Variants in PABIR2 observed in about 807,000 individuals in gnomAD.
PABIR2 encodes the protein PABIR family member 2.
A neutral mutation model predicts 22.8 loss-of-function variants in PABIR2; 7 were observed. The ratio of observed to expected loss-of-function variants is 0.31; its 90% CI spans 0.17 to 0.58. PABIR2 has a LOEUF of 0.58. Ranked by LOEUF, PABIR2 falls within the 20% of genes least tolerant of loss-of-function variation. The pLI, the probability that PABIR2 is intolerant of heterozygous loss-of-function variation, is 0.89. For synonymous variants in PABIR2, 67 were observed against 73.8 expected, an observed-to-expected ratio of 0.91 and a Z score of 0.47; for missense variants, 155 against 205.1, an observed-to-expected ratio of 0.76 and a Z score of 1.49.
intron 9 of PABIR2, among the ~76,000 whole-genome samples, chrX:134,777,890 T>C (rs2079032724): frequency 1.0e-5 from 1 of 98,342 alleles, no homozygotes; most frequent in Admixed American, 1.1e-4. Context: ...GGTTGGTTTT[T>C]TTTTTTTTTT....
At position 134,796,300 on chromosome X, in the gene PABIR2, G is replaced by T. The variant is rs1319383805; in HGVS notation, c.-95C>A. On this transcript the variant is annotated 5_prime_UTR_variant, in exon 1 of 10. Coordinates refer to ENST00000343004, the MANE Select transcript of PABIR2 (RefSeq NM_001387468.1). ...CTCACTGCAGGACTGAGCTGCTGGG[G>T]ACTGGCAGCTGGGGGCGGGGGCTAA... is the stretch of plus-strand genomic sequence containing the variant. The T allele has an allele frequency of 9.0e-6, 4 of 442,752 alleles. No homozygotes were observed. The Admixed American group carries it at 1.1e-4, about 12-fold the overall frequency. 36.5% of individuals were successfully genotyped at this position (442,752 alleles called of 1,213,427 possible).
rs753524257 is a variant in PABIR2 at position 134,796,208 on chromosome X, C to A, written c.-3G>T. ...AGCTCCATTTTCTCCTGAGCCATGT[C>A]AGACTTGCAGGCAGGCACAGCGGGC... On this transcript the variant is annotated 5_prime_UTR_variant, in exon 1 of 10. Transcript: ENST00000343004. The A allele has an allele frequency of 8.3e-7, 1 of 1,204,303 alleles. No homozygotes were observed. Among genetic ancestry groups the A allele is most frequent in the Admixed American group, 2.2e-5 (1 of 45,838 alleles).
At chrX:134,792,912 C>T (rs914102552) in intron 2 of PABIR2, among the ~76,000 whole-genome samples, 10 of 112,307 alleles carry the variant, frequency 8.9e-5, no homozygotes, top group African/African-American at 3.2e-4. Context: ...ACCAGTGACA[C>T]GCTTGGGGTG....
intron 1 of PABIR2, among the ~76,000 whole-genome samples, chrX:134,794,229 T>C (rs912815829): frequency 9.0e-6 from 1 of 111,477 alleles, no homozygotes; most frequent in Non-Finnish European, 1.9e-5. Context: ...AGCAGCCTCA[T>C]CTGTTTACCC....
At chrX:134,774,808 TA>T (rs1417566558) in intron 9 of PABIR2, among the ~76,000 whole-genome samples, 1 of 112,492 alleles carries the variant, frequency 8.9e-6, no homozygotes, top group Non-Finnish European at 1.9e-5. Context: ...TTCACTTAAC[TA>T]AAATCTAGTT....
At position 134,788,664 on chromosome X, in the gene PABIR2, T is replaced by C. The variant is rs1302072747; in HGVS notation, c.435+66A>G. ...TGGATACTTTAAAAGTGGGGTGATT[T>C]GTGTGTGTTTTAGAGTAAACAGCTC... On this transcript the variant is annotated intron_variant, in intron 6 of 9. Coordinates refer to ENST00000343004, the MANE Select transcript of PABIR2 (RefSeq NM_001387468.1). The C allele has an allele frequency of 4.0e-5, 38 of 940,735 alleles. No individual in the cohort carries two copies. The Admixed American group carries it at 1.0e-3, about 25-fold the overall frequency. 77.5% of individuals were successfully genotyped at this position (940,735 alleles called of 1,213,427 possible).
chrX:134,790,985 A>AG lies in PABIR2; in HGVS notation c.178-1350dup, dbSNP rs749929924. 2.0e-4 allele frequency among the ~76,000 whole-genome samples: 23 copies of AG among 112,368 alleles called. 1 individual carries two copies. The East Asian group carries it at 6.4e-3, about 31-fold the overall frequency. On this transcript the variant is annotated intron_variant, in intron 2 of 9. Transcript: ENST00000343004. The stretch of plus-strand genomic sequence containing the variant: ...GGAAGAGAGCGCAGACGTGTCACTT[A>AG]GGGAAACCCAAGAAACTGAAGAAGC...
chrX:134,775,150 T>C (rs184181132), intron 9 of PABIR2, among the ~76,000 whole-genome samples: 26 of 112,007 alleles, frequency 2.3e-4, no homozygotes, highest in African/African-American at 7.8e-4. Flanking sequence ...AAATTGGACA[T>C]AGGAATCCTT....
chrX:134,790,512 AT>A (rs1249510511), intron 2 of PABIR2, among the ~76,000 whole-genome samples: 2 of 112,832 alleles, frequency 1.8e-5, no homozygotes, highest in African/African-American at 6.4e-5. Flanking sequence ...AGTGAGCAGT[AT>A]AAAATAGTGA....
At position 134,771,855 on chromosome X, in the gene PABIR2, T is replaced by A. The variant is rs779761786; in HGVS notation, c.*284A>T. ...ATGTATAGACTCAAAATAGGTGTTTTTTGAGGCACTAAGAAAAAAGATTCC... is the reference window on the plus strand; with the variant it reads ...ATGTATAGACTCAAAATAGGTGTTTATTGAGGCACTAAGAAAAAAGATTCC... On this transcript the variant is annotated 3_prime_UTR_variant, in exon 10 of 10. Transcript: ENST00000343004. 4.7e-4 allele frequency: 419 copies of A among 883,885 alleles called. No individual in the cohort carries two copies. The highest frequency in any genetic ancestry group is 2.1e-3 in the Middle Eastern group (4 of 1,941). 72.8% of individuals were successfully genotyped at this position (883,885 alleles called of 1,213,427 possible). A position where few individuals can be genotyped will look rare whatever the true frequency, so the allele number is the denominator to read the frequency against.
intron 2 of PABIR2, among the ~76,000 whole-genome samples, chrX:134,792,749 C>T (rs151309521): frequency 7.4e-4 from 83 of 112,130 alleles, no homozygotes; most frequent in African/African-American, 2.1e-3. Flanking sequence ...ATATCTTTGC[C>T]CTCCCTATTT....
intron 9 of PABIR2, among the ~76,000 whole-genome samples, chrX:134,780,589 C>CA (rs922863747): frequency 2.7e-5 from 3 of 110,994 alleles, no homozygotes; most frequent in Non-Finnish European, 5.7e-5. Context: ...AAAAACAAAA[C>CA]AAAAAAAATC....
At chrX:134,792,767 G>A (rs1461861231) in intron 2 of PABIR2, among the ~76,000 whole-genome samples, 1 of 111,949 alleles carries the variant, frequency 8.9e-6, no homozygotes, top group African/African-American at 3.2e-5. Context: ...TTTCATAGGG[G>A]CTGTTATGAC....
At chrX:134,785,229 G>GA (rs1193723854) in intron 8 of PABIR2, among the ~76,000 whole-genome samples, 2 of 111,810 alleles carry the variant, frequency 1.8e-5, no homozygotes, top group Non-Finnish European at 3.8e-5. Context: ...AGTTTCCCTA[G>GA]AACACAAGAG....
At position 134,796,441 on chromosome X, in the gene PABIR2, C is replaced by A; in HGVS notation, c.-236G>T. On this transcript the variant is annotated 5_prime_UTR_variant, in exon 1 of 10. Coordinates refer to ENST00000343004, the MANE Select transcript of PABIR2 (RefSeq NM_001387468.1). ...ATGATGGTGAGGCAGGAGAGGAGGA[C>A]GAAGAGGTAGTGGTGGAAGGTGACA... is the stretch of plus-strand genomic sequence containing the variant. The A allele has an allele frequency of 6.4e-5, 21 of 329,854 alleles. No homozygotes were observed. Among genetic ancestry groups the A allele is most frequent in the South Asian group, 1.4e-4 (2 of 14,456 alleles). The allele number at this position is 329,854 out of a possible 1,213,427, so 27.2% of individuals were successfully genotyped here.
At chrX:134,773,883 C>T (rs754184021) in intron 9 of PABIR2, among the ~76,000 whole-genome samples, 8 of 111,251 alleles carry the variant, frequency 7.2e-5, no homozygotes, top group Non-Finnish European at 1.5e-4. Context: ...ACCTATGGTA[C>T]ATTAGAAAGT....
chrX:134,783,360 C>T (rs1398008478), intron 8 of PABIR2, among the ~76,000 whole-genome samples: 2 of 112,398 alleles, frequency 1.8e-5, no homozygotes, highest in African/African-American at 3.2e-5. Flanking sequence ...GTTCCCCTAA[C>T]GTTAGAAAAG....
At chrX:134,776,940 T>C (rs1332782806) in intron 9 of PABIR2, among the ~76,000 whole-genome samples, 1 of 112,300 alleles carries the variant, frequency 8.9e-6, no homozygotes, top group African/African-American at 3.2e-5. Context: ...CATCCAATGA[T>C]AAAAGTAATC....
At chrX:134,787,604 TTC>T in intron 6 of PABIR2, 71 bp from the exon 7 acceptor site, 1 of 847,545 alleles carries the variant, frequency 1.2e-6, no homozygotes, top group Admixed American at 3.4e-5. Context: ...CACTCCAGTT[TTC>T]TTTCTTTTTT....
Sources: allele counts gnomAD v4.1 joint callset (sites outside exome capture counted in the v4.1 genomes callset), GRCh38; gene constraint gnomAD v4.1.1; transcripts MANE v1.5; gene names NCBI Gene and HGNC (gene_info 2026-07-23, HGNC 2026-07-21).